Variants in CDK17 observed in about 807,000 individuals in gnomAD.
The protein encoded by CDK17 is cyclin dependent kinase 17.
In CDK17, 24 loss-of-function variants were observed where a neutral mutation model predicts 77.6. That is an observed-to-expected ratio of 0.31 (90% CI 0.22 to 0.44). The LOEUF (loss-of-function observed/expected upper bound fraction) is 0.44. CDK17 is among the 20% of genes least tolerant of loss of function. CDK17 has a pLI of 1.00. For synonymous variants in CDK17, 203 were observed against 210.4 expected, an observed-to-expected ratio of 0.96 and a Z score of 0.30; for missense variants, 429 against 622.5, an observed-to-expected ratio of 0.69 and a Z score of 3.31.
chr12:96,300,433 GT>G (rs1240112219), intron 5 of CDK17, 73 bp from the exon 6 acceptor site: 3 of 883,900 alleles, frequency 3.4e-6, no homozygotes, highest in Non-Finnish European at 5.2e-6. Flanking sequence ...GTCTCACTCT[GT>G]TGCCCAGGCT....
chr12:96,323,992 C>A lies in CDK17; in HGVS notation c.239G>T (p.Ser80Ile). The change falls in exon 3 of 17, where the codon AGC becomes ATC. Residue 80 changes from serine to isoleucine, a missense_variant. By Grantham distance (142) the Ser-to-Ile change is moderately radical. Coordinates refer to ENST00000261211, the MANE Select transcript of CDK17 (RefSeq NM_002595.5). Reference protein sequence around the residue: ...LRRPHSVIGGSLGSFMAMPRN... With the variant: ...LRRPHSVIGGILGSFMAMPRN... ...GGGCATTGCCATGAAGGAGCCAAGG[C>A]TCCCTCCAATAACACTGTGTGGTCT... 1 of 1,605,582 alleles carries A rather than the reference C, an allele frequency of 6.2e-7. No individual in the cohort carries two copies. The highest frequency in any genetic ancestry group is 8.5e-7 in the Non-Finnish European group (1 of 1,176,132).
rs1018231426 is a variant in CDK17 at position 96,279,618 on chromosome 12, A to G, written c.*624T>C. On this transcript the variant is annotated 3_prime_UTR_variant, in exon 17 of 17. Coordinates refer to ENST00000261211, the MANE Select transcript of CDK17 (RefSeq NM_002595.5). ...GTCAGGGATTCACTTGCTTGAATCAACTTCTGCATCACATGCTTATCTAAA... is the reference window on the plus strand; with the variant it reads ...GTCAGGGATTCACTTGCTTGAATCAGCTTCTGCATCACATGCTTATCTAAA... 6.6e-6 allele frequency: 1 copy of G among 152,364 alleles called. No homozygotes were observed. The highest frequency in any genetic ancestry group is 1.5e-5 in the Non-Finnish European group (1 of 68,026). 9.4% of individuals were successfully genotyped at this position (152,364 alleles called of 1,614,324 possible). A position where few individuals can be genotyped will look rare whatever the true frequency, so the allele number is the denominator to read the frequency against.
chr12:96,342,792 C>T (rs12228343), intron 1 of CDK17, among the ~76,000 whole-genome samples: 7,064 of 151,760 alleles, frequency 0.047, 296 homozygotes, highest in African/African-American at 0.12. Context: ...GGAGAAACCC[C>T]GTCTCTACTA....
chr12:96,313,596 C>A, intron 3 of CDK17, 142 bp from the exon 4 acceptor site: 1 of 438,290 alleles, frequency 2.3e-6, no homozygotes, highest in Non-Finnish European at 3.9e-6. Context: ...CACAGGTATG[C>A]AGTTAATAGA....
chr12:96,398,551 AAAGT>A lies in CDK17; in HGVS notation c.-30+1431_-30+1434del, dbSNP rs548423536. ...CATTTTCTTCTGCCCAAGAGTTAAGAAAGTAAGTCTAAAACAGAACAAGCCAGAT... is the reference window on the plus strand; with the variant it reads ...CATTTTCTTCTGCCCAAGAGTTAAGAAAGTCTAAAACAGAACAAGCCAGAT... On this transcript the variant is annotated intron_variant, in intron 1 of 16. Coordinates refer to ENST00000261211, the MANE Select transcript of CDK17 (RefSeq NM_002595.5). Among the ~76,000 whole-genome samples, 11 of 152,334 alleles carry A rather than the reference AAAGT, an allele frequency of 7.2e-5. No individual in the cohort carries two copies. In the South Asian group the frequency reaches 8.3e-4, roughly 11 times the overall value.
chr12:96,396,212 A>G (rs1170724695), intron 1 of CDK17, among the ~76,000 whole-genome samples: 1 of 152,208 alleles, frequency 6.6e-6, no homozygotes, highest in Non-Finnish European at 1.5e-5. Flanking sequence ...GGGAACAATA[A>G]ACTACACTGA....
In CDK17 at chr12:96,374,779, CA is replaced by C. The variant is rs1272475599; in HGVS notation, c.-30+25206del. Among the ~76,000 whole-genome samples, 3 of 152,162 alleles carry C rather than the reference CA, an allele frequency of 2.0e-5. No individual in the cohort carries two copies. In the East Asian group the frequency reaches 5.8e-4, roughly 29 times the overall value. Reference sequence around the variant, plus strand: ...CAGTAAGCTTTCAAGCAAGTGAGGTCATGAGAAGAGCCCATCAGAAATAAAT... The same window carrying C: ...CAGTAAGCTTTCAAGCAAGTGAGGTCTGAGAAGAGCCCATCAGAAATAAAT... On this transcript the variant is annotated intron_variant, in intron 1 of 16. Transcript: ENST00000261211.
chr12:96,374,327 C>T (rs949176726), intron 1 of CDK17, among the ~76,000 whole-genome samples: 3 of 152,132 alleles, frequency 2.0e-5, no homozygotes, highest in Non-Finnish European at 4.4e-5. Flanking sequence ...TTTGTACATG[C>T]GTAGAAAAAT....
At chr12:96,362,287 C>T (rs1010161684) in intron 1 of CDK17, among the ~76,000 whole-genome samples, 14 of 152,108 alleles carry the variant, frequency 9.2e-5, no homozygotes, top group South Asian at 6.2e-4. Flanking sequence ...GGCCCCACAT[C>T]GGCTCACTGC....
chr12:96,301,239 G>A (rs1425481784), intron 5 of CDK17, among the ~76,000 whole-genome samples: 3 of 51,182 alleles, frequency 5.9e-5, no homozygotes, highest in African/African-American at 1.9e-4. Flanking sequence ...TCAACACTCG[G>A]CCAAAAAAAA....
chr12:96,291,384 C>T (rs34370421), intron 10 of CDK17, among the ~76,000 whole-genome samples: 1 of 151,984 alleles, frequency 6.6e-6, no homozygotes, highest in Non-Finnish European at 1.5e-5. Context: ...CTCAACCTCC[C>T]GGGCACAACT....
intron 5 of CDK17, among the ~76,000 whole-genome samples, chr12:96,308,765 A>AATAATAATAATAATAATG (rs1383284887): frequency 3.4e-5 from 5 of 148,076 alleles, no homozygotes; most frequent in East Asian, 2.0e-4. Context: ...TAATAATAAT[A>AATAATAATAATAATAATG]ATGTAAAAAA....
intron 3 of CDK17, among the ~76,000 whole-genome samples, chr12:96,321,823 G>T (rs1406269038): frequency 1.2e-3 from 139 of 115,784 alleles, no homozygotes; most frequent in Non-Finnish European, 1.7e-3. Context: ...GTGGGGGGAG[G>T]GGGGAGGGAT....
At chr12:96,308,731 A>AATAAT (rs1952608712) in intron 5 of CDK17, among the ~76,000 whole-genome samples, 15 of 132,570 alleles carry the variant, frequency 1.1e-4, no homozygotes, top group African/African-American at 3.5e-4. Flanking sequence ...CCGTCTCCAA[A>AATAAT]AATAATAATA....
chr12:96,332,627 G>C (rs150318097), intron 2 of CDK17, among the ~76,000 whole-genome samples: 1 of 152,284 alleles, frequency 6.6e-6, no homozygotes, highest in African/African-American at 2.4e-5. Flanking sequence ...CTATTACAGA[G>C]AGAAAATAAG....
At chr12:96,310,321 C>T (rs962008028) in intron 5 of CDK17, among the ~76,000 whole-genome samples, 63 of 151,940 alleles carry the variant, frequency 4.1e-4, no homozygotes, top group African/African-American at 1.4e-3. Context: ...TGTATATCTA[C>T]ATAAAATATA....
chr12:96,386,974 C>T (rs1385193034), intron 1 of CDK17: 3 of 277,686 alleles, frequency 1.1e-5, no homozygotes, highest in Non-Finnish European at 2.3e-5. Flanking sequence ...AGTAGTGTAT[C>T]CAGAGGTAAA....
intron 1 of CDK17, among the ~76,000 whole-genome samples, chr12:96,391,451 G>A (rs1264003500): frequency 1.6e-5 from 2 of 124,742 alleles, no homozygotes; most frequent in Non-Finnish European, 3.3e-5. Flanking sequence ...CACCACGCCC[G>A]GCTAATTTTT....
intron 1 of CDK17, among the ~76,000 whole-genome samples, chr12:96,358,818 C>T (rs1452559186): frequency 6.6e-6 from 1 of 151,032 alleles, no homozygotes; most frequent in Non-Finnish European, 1.5e-5. Flanking sequence ...AGAGTTGAGA[C>T]TCGGCCTCCG....
Sources: allele counts gnomAD v4.1 joint callset (sites outside exome capture counted in the v4.1 genomes callset), GRCh38; gene constraint gnomAD v4.1.1; transcripts MANE v1.5; gene names NCBI Gene and HGNC (gene_info 2026-07-23, HGNC 2026-07-21).